F8: variants seen among roughly 807,000 people sequenced by gnomAD.
F8 encodes the protein coagulation factor VIII.
Under a neutral mutation model 140.6 loss-of-function variants are expected in F8, and 12 were observed. That is an observed-to-expected ratio of 0.09 (90% confidence interval 0.05 to 0.14). F8 has a LOEUF of 0.14. F8 is among the 10% of genes least tolerant of loss of function. The pLI is 1.00. For missense variants in F8, 1,354 were observed against 1,720.7 expected, an observed-to-expected ratio of 0.79 and a Z score of 3.77; for synonymous variants, 585 against 614.6, an observed-to-expected ratio of 0.95 and a Z score of 0.71.
chrX:154,893,315 A>G (rs1557275303), intron 22 of F8, among the ~76,000 whole-genome samples: 3 of 112,134 alleles, frequency 2.7e-5, no homozygotes, highest in Non-Finnish European at 5.6e-5. Context: ...GTCACAGGCC[A>G]TTGGTCTCTC....
In F8 at chrX:154,837,199, A is replaced by G. The variant is rs1333672264; in HGVS notation, c.*398T>C. The G allele has an allele frequency of 5.3e-6, 1 of 189,013 alleles. No individual in the cohort carries two copies. The highest frequency in any genetic ancestry group is 9.9e-6 in the Non-Finnish European group (1 of 101,114). The allele number at this position is 189,013 out of a possible 1,213,427, so 15.6% of individuals were successfully genotyped here. ...CTGAGAGTTTTATTTTAAACGTATGAGGCTTAACCTGAAATGTTAACATCA... is the reference window on the plus strand; with the variant it reads ...CTGAGAGTTTTATTTTAAACGTATGGGGCTTAACCTGAAATGTTAACATCA... On this transcript the variant is annotated 3_prime_UTR_variant, in exon 26 of 26. Transcript: ENST00000360256.
At chrX:154,994,934 G>A (rs2073608735) in intron 3 of F8, among the ~76,000 whole-genome samples, 1 of 111,918 alleles carries the variant, frequency 8.9e-6, no homozygotes, top group South Asian at 3.7e-4. Flanking sequence ...ATTACAATAT[G>A]TATCTCTATT....
chrX:154,939,315 C>A (rs1346669275), intron 13 of F8, among the ~76,000 whole-genome samples: 1 of 112,249 alleles, frequency 8.9e-6, no homozygotes, highest in Non-Finnish European at 1.9e-5. Context: ...TCACTCCCAC[C>A]CTAATACTGC....
intron 13 of F8, among the ~76,000 whole-genome samples, chrX:154,933,378 G>C (rs1468669350): frequency 8.9e-6 from 1 of 112,061 alleles, no homozygotes; most frequent in East Asian, 2.8e-4. Flanking sequence ...ATCTGGCCAA[G>C]TTGGGGTCTA....
At chrX:154,910,506 A>G (rs2073060518) in intron 14 of F8, among the ~76,000 whole-genome samples, 2 of 111,650 alleles carry the variant, frequency 1.8e-5, no homozygotes, top group African/African-American at 6.5e-5. Context: ...TGGTGCATGT[A>G]TACACGTGTA....
At chrX:154,957,649 C>A (rs2073371763) in intron 10 of F8, among the ~76,000 whole-genome samples, 1 of 110,907 alleles carries the variant, frequency 9.0e-6, no homozygotes, top group Non-Finnish European at 1.9e-5. Context: ...GTTAGAGGAT[C>A]CATAGAAAGG....
At chrX:154,946,157 A>G (rs5986896) in intron 13 of F8, among the ~76,000 whole-genome samples, 1,130 of 112,146 alleles carry the variant, frequency 0.01, 15 homozygotes, top group African/African-American at 0.035. Context: ...TAAAATATCA[A>G]TGCTACCAGA....
chrX:154,969,188 G>C lies in F8; in HGVS notation c.1009+143C>G, dbSNP rs1341118796. On this transcript the variant is annotated intron_variant, in intron 7 of 25. Coordinates refer to ENST00000360256, the MANE Select transcript of F8 (RefSeq NM_000132.4). The stretch of plus-strand genomic sequence containing the variant: ...ACTTTACACTGGAAGCTGGAAACTA[G>C]GGGATCTTGGCTGAGGTCTAATACA... 3 of 534,595 alleles carry C rather than the reference G, an allele frequency of 5.6e-6. No individual in the cohort carries two copies. The African/African-American group carries it at 7.1e-5, about 13-fold the overall frequency. 44.1% of individuals were successfully genotyped at this position (534,595 alleles called of 1,213,427 possible).
intron 6 of F8, among the ~76,000 whole-genome samples, chrX:154,974,464 C>T (rs782802734): frequency 9.0e-6 from 1 of 111,584 alleles, no homozygotes; most frequent in African/African-American, 3.3e-5. Context: ...GGGATAAATC[C>T]CACCTGATCA....
At chrX:154,875,400 G>T (rs782240219) in intron 22 of F8, among the ~76,000 whole-genome samples, 8 of 112,143 alleles carry the variant, frequency 7.1e-5, no homozygotes, top group Non-Finnish European at 1.5e-4. Context: ...CAAAGAGATA[G>T]ATATATCTTA....
At chrX:155,018,481 T>C in intron 1 of F8, among the ~76,000 whole-genome samples, 1 of 108,573 alleles carries the variant, frequency 9.2e-6, no homozygotes, top group Admixed American at 1.0e-4. Flanking sequence ...AAAAATGCTT[T>C]ATACCAACTA....
chrX:154,984,274 A>T (rs2073545065), intron 6 of F8, among the ~76,000 whole-genome samples: 1 of 111,702 alleles, frequency 9.0e-6, no homozygotes, highest in Admixed American at 9.5e-5. Context: ...TACTTTATTG[A>T]TGCAGTATCT....
intron 1 of F8, among the ~76,000 whole-genome samples, chrX:155,012,335 A>G (rs2073709887): frequency 8.9e-6 from 1 of 111,989 alleles, no homozygotes; most frequent in Admixed American, 9.4e-5. Flanking sequence ...TTTGAGACAG[A>G]GCCTTGCTTT....
chrX:154,931,698 ACT>A (rs1557278882), intron 13 of F8, 22 bp from the exon 14 acceptor site: 4 of 1,151,112 alleles, frequency 3.5e-6, no homozygotes, highest in Middle Eastern at 5.2e-4. Context: ...GAAGAATAAG[ACT>A]CTGGTTACTC....
intron 25 of F8, among the ~76,000 whole-genome samples, chrX:154,846,882 T>C (rs1434341925): frequency 8.9e-6 from 1 of 112,189 alleles, no homozygotes; most frequent in Non-Finnish European, 1.9e-5. Context: ...CTAGCATCGA[T>C]GGTCTTTACA....
chrX:154,952,605 C>T lies in F8; in HGVS notation c.1903+1287G>A, dbSNP rs1303356540. The stretch of plus-strand genomic sequence containing the variant: ...GTCGCCGGCCTGGAGTGCAGTGGCA[C>T]GATCTTGGCTCACTGCAGTCTCCGC... On this transcript the variant is annotated intron_variant, in intron 12 of 25. Transcript: ENST00000360256. Among the ~76,000 whole-genome samples the T allele has an allele frequency of 9.3e-5, 10 of 107,081 alleles. No homozygotes were observed. In the Admixed American group the frequency reaches 1.0e-3, roughly 11 times the overall value. The allele number at this position is 107,081 out of a possible 115,157, so 93.0% of individuals were successfully genotyped here. A position where few individuals can be genotyped will look rare whatever the true frequency, so the allele number is the denominator to read the frequency against.
In F8 at chrX:154,931,113, G is replaced by A. The variant is rs1220589764; in HGVS notation, c.2677C>T (p.Leu893Phe). The change falls in exon 14 of 26, where the codon CTT becomes TTT. Residue 893 changes from leucine (L) to phenylalanine (F), a missense_variant. Coordinates refer to ENST00000360256, the MANE Select transcript of F8 (RefSeq NM_000132.4). ...GATGTACTAGAAACTTTGAAATCAA[G>A]TTTCTTCAACTCTGTTGCTGCAGTT... Reference protein sequence around the residue: ...GTTAATELKKLDFKVSSTSNN... With the variant: ...GTTAATELKKFDFKVSSTSNN... 2 of 1,205,930 alleles carry A rather than the reference G, an allele frequency of 1.7e-6. No individual in the cohort carries two copies. Among genetic ancestry groups the A allele is most frequent in the African/African-American group, 3.5e-5 (2 of 56,983 alleles).
At chrX:154,979,874 G>A (rs944225596) in intron 6 of F8, among the ~76,000 whole-genome samples, 5 of 111,439 alleles carry the variant, frequency 4.5e-5, no homozygotes, top group African/African-American at 1.6e-4. Context: ...GCCTTCACAC[G>A]GTCTTTAGGC....
chrX:154,987,383 C>A, intron 4 of F8, 78 bp from the exon 5 acceptor site: 1 of 866,096 alleles, frequency 1.2e-6, no homozygotes, highest in Non-Finnish European at 1.7e-6. Flanking sequence ...GGAGACAGTT[C>A]TTCATCAGTT....
Sources: allele counts gnomAD v4.1 joint callset (sites outside exome capture counted in the v4.1 genomes callset), GRCh38; gene constraint gnomAD v4.1.1; transcripts MANE v1.5; gene names NCBI Gene and HGNC (gene_info 2026-07-23, HGNC 2026-07-21).